SMARCAD1: variants seen among roughly 807,000 people sequenced by gnomAD.
SMARCAD1 encodes the protein SWI/SNF-related matrix-associated actin-dependent regulator of chromatin subfamily A containing DEAD/H box 1.
A neutral mutation model predicts 127.1 loss-of-function variants in SMARCAD1; 25 were observed. The ratio of observed to expected loss-of-function variants is 0.20; its 90% confidence interval spans 0.14 to 0.27. The LOEUF (loss-of-function observed/expected upper bound fraction) is 0.27. SMARCAD1 is among the 10% of genes least tolerant of loss of function. The pLI is 1.00. For synonymous variants in SMARCAD1, 400 were observed against 396.9 expected (o/e 1.01, Z -0.09); for missense variants, 807 against 1,206.0 (o/e 0.67, Z 4.90).
intron 20 of SMARCAD1, 43 bp downstream of exon 20, chr4:94,280,823 C>CT (rs1235893070): frequency 6.3e-7 from 1 of 1,583,112 alleles, no homozygotes. Flanking sequence ...TTCTCAATTA[C>CT]TTTAACTTCT....
chr4:94,253,576 G>T lies in SMARCAD1; in HGVS notation c.1281+569G>T, dbSNP rs1308537011. On this transcript the variant is annotated intron_variant, in intron 9 of 23. Transcript: ENST00000354268. ...GGTTAAGCAACGTGGCCATTTTATG[G>T]AGTGTAGCAGGCTGCAGCGTTTTTA... 2.8e-6 allele frequency: 3 copies of T among 1,063,352 alleles called. No individual in the cohort carries two copies. The Admixed American group carries it at 1.5e-4, about 53-fold the overall frequency. The allele number at this position is 1,063,352 out of a possible 1,614,324, so 65.9% of individuals were successfully genotyped here.
intron 5 of SMARCAD1, among the ~76,000 whole-genome samples, chr4:94,237,468 C>A (rs1746848038): frequency 6.7e-6 from 1 of 149,174 alleles, no homozygotes. Context: ...TAAATAAATG[C>A]TGACTCGATT....
chr4:94,244,301 C>T (rs2125894071), intron 6 of SMARCAD1, among the ~76,000 whole-genome samples: 1 of 152,282 alleles, frequency 6.6e-6, no homozygotes, highest in Admixed American at 6.5e-5. Flanking sequence ...GCTACAGTTT[C>T]CTACAAACAA....
Position 94,281,510 on chromosome 4 carries a change from G to A in SMARCAD1, c.2646G>A (p.Met882Ile). ...TGTTATTTAGCCAATTTACCATGAT[G>A]CTGGATATCTTAGAGGTTCTATTAA... is the stretch of plus-strand genomic sequence containing the variant. The part of the protein sequence containing the change: ...RVVLFSQFTM[M>I]LDILEVLLKH... The change falls in exon 21 of 24, where the codon ATG becomes ATA. Residue 882 changes from methionine (M) to isoleucine (I), a missense_variant. Transcript: ENST00000354268. 1 of 1,613,146 alleles carries A rather than the reference G, an allele frequency of 6.2e-7. No individual in the cohort carries two copies. Among genetic ancestry groups the A allele is most frequent in the South Asian group, 1.1e-5 (1 of 91,058 alleles).
chr4:94,221,583 T>C (rs562182389), intron 2 of SMARCAD1, among the ~76,000 whole-genome samples: 2 of 152,314 alleles, frequency 1.3e-5, no homozygotes, highest in Non-Finnish European at 2.9e-5. Context: ...GAAACAGATA[T>C]GAGAATCCAG....
intron 6 of SMARCAD1, among the ~76,000 whole-genome samples, chr4:94,242,316 A>G (rs1330619700): frequency 6.6e-6 from 1 of 152,036 alleles, no homozygotes; most frequent in Non-Finnish European, 1.5e-5. Flanking sequence ...AAGTGCTGAG[A>G]TTACAGGCGT....
intron 9 of SMARCAD1, among the ~76,000 whole-genome samples, chr4:94,255,681 T>C (rs569691384): frequency 6.6e-6 from 1 of 152,070 alleles, no homozygotes; most frequent in African/African-American, 2.4e-5. Context: ...CAGATAATTA[T>C]GCTTTTTGAA....
At chr4:94,223,523 A>C (rs1386968392) in intron 2 of SMARCAD1, among the ~76,000 whole-genome samples, 1 of 151,524 alleles carries the variant, frequency 6.6e-6, no homozygotes, top group Admixed American at 6.6e-5. Context: ...CAATAAAGAG[A>C]GTTTTTAAGG....
chr4:94,260,339 T>C lies in SMARCAD1; in HGVS notation c.1282-4368T>C, dbSNP rs535167369. Among the ~76,000 whole-genome samples, 3 of 152,262 alleles carry C rather than the reference T, an allele frequency of 2.0e-5. No homozygotes were observed. The East Asian group carries it at 5.8e-4, about 29-fold the overall frequency. On this transcript the variant is annotated intron_variant, in intron 9 of 23. Coordinates refer to ENST00000354268, the MANE Select transcript of SMARCAD1 (RefSeq NM_020159.5). ...ATTAGCCATTGCAAAATTAATACTT[T>C]TTATTTTATTTTTTTTTATTTTGAG...
intron 2 of SMARCAD1, among the ~76,000 whole-genome samples, chr4:94,214,958 C>T (rs1161159063): frequency 2.6e-5 from 4 of 152,160 alleles, no homozygotes; most frequent in Admixed American, 6.5e-5. Flanking sequence ...TGCTCTGCCA[C>T]ATACAGATTG....
chr4:94,256,016 A>G (rs1193788906), intron 9 of SMARCAD1, among the ~76,000 whole-genome samples: 2 of 152,138 alleles, frequency 1.3e-5, no homozygotes, highest in African/African-American at 4.8e-5. Flanking sequence ...TTTATTGCCA[A>G]ATTTCACACA....
chr4:94,210,105 T>C (rs1360739215), intron 2 of SMARCAD1, among the ~76,000 whole-genome samples: 1 of 152,242 alleles, frequency 6.6e-6, no homozygotes, highest in Non-Finnish European at 1.5e-5. Context: ...TAATTTCCTT[T>C]AGTGATCAGA....
intron 2 of SMARCAD1, among the ~76,000 whole-genome samples, chr4:94,223,485 T>G (rs1385244783): frequency 6.6e-6 from 1 of 152,008 alleles, no homozygotes; most frequent in Non-Finnish European, 1.5e-5. Flanking sequence ...AGAGCGAGAC[T>G]CTGTCTCAAA....
At chr4:94,253,728 A>G in intron 9 of SMARCAD1, 2 of 967,166 alleles carry the variant, frequency 2.1e-6, no homozygotes, top group Non-Finnish European at 2.5e-6. Flanking sequence ...AACAGGTTGT[A>G]TACAGAATAC....
chr4:94,242,381 C>T (rs1415577755), intron 6 of SMARCAD1, among the ~76,000 whole-genome samples: 1 of 152,010 alleles, frequency 6.6e-6, no homozygotes, highest in Non-Finnish European at 1.5e-5. Flanking sequence ...AGATGTTCAG[C>T]AATGTACCTC....
In SMARCAD1 at chr4:94,277,123, C is replaced by A. The variant is rs758314184; in HGVS notation, c.2046C>A (p.Ser682Arg). The A allele has an allele frequency of 5.6e-6, 9 of 1,613,880 alleles. No individual in the cohort carries two copies. The highest frequency in any genetic ancestry group is 7.6e-6 in the Non-Finnish European group (9 of 1,179,912). ...TTATGCCACACATGTTTAGTAGTAG[C>A]ACCAGTGAAATACGAAGAATGTTTT... ...NFVMPHMFSS[S>R]TSEIRRMFSS... The change falls in exon 16 of 24, where the codon AGC becomes AGA. Residue 682 changes from serine (S) to arginine (R), a missense_variant. By Grantham distance (110) the Ser-to-Arg change is moderately radical (BLOSUM62 -1). Around this residue, in one of 8 missense-constraint regions of SMARCAD1, gnomAD observed 148 missense variants for 313.2 expected, o/e 0.47. Transcript: ENST00000354268.
At position 94,252,907 on chromosome 4, in the gene SMARCAD1, A is replaced by G; in HGVS notation, c.1181A>G (p.Gln394Arg). ...AAAGGTAAAATTCTTCACTTCCTTC[A>G]AGATGCTTCAATTGGTGAACTTACT... ...GYKGKILHFL[Q>R]DASIGELTLI... The change falls in exon 9 of 24, where the codon CAA (glutamine) becomes CGA (arginine). Residue 394 changes from glutamine (Q) to arginine (R), a missense_variant. Around this residue, in one of 8 missense-constraint regions of SMARCAD1, gnomAD observed 257 missense variants for 303.4 expected, o/e 0.85. Coordinates refer to ENST00000354268, the MANE Select transcript of SMARCAD1 (RefSeq NM_020159.5). 1 of 1,614,150 alleles carries G rather than the reference A, an allele frequency of 6.2e-7. No homozygotes were observed. The highest frequency in any genetic ancestry group is 8.5e-7 in the Non-Finnish European group (1 of 1,180,000).
At chr4:94,251,953 G>A (rs1749342134) in intron 8 of SMARCAD1, among the ~76,000 whole-genome samples, 1 of 152,166 alleles carries the variant, frequency 6.6e-6, no homozygotes, top group Non-Finnish European at 1.5e-5. Context: ...CCAGGTTCAA[G>A]CGATTCTCCT....
At chr4:94,216,076 A>G (rs192673745) in intron 2 of SMARCAD1, among the ~76,000 whole-genome samples, 144 of 152,200 alleles carry the variant, frequency 9.5e-4, no homozygotes, top group African/African-American at 3.3e-3. Context: ...AAGATTAGGT[A>G]TCTCAGGGCC....
Sources: gnomAD v4.1 joint callset for allele counts (sites outside exome capture counted in the v4.1 genomes callset) on GRCh38, gnomAD v4.1.1 for gene constraint, gnomAD v4.1.1 regional missense constraint, MANE v1.5 for transcripts, NCBI Gene and HGNC (gene_info 2026-07-23, HGNC 2026-07-21) for gene names.